ZC3HAV1: variants seen among roughly 807,000 people sequenced by gnomAD.
ZC3HAV1 encodes zinc finger CCCH-type antiviral protein 1.
In ZC3HAV1, 41 loss-of-function variants were observed where a neutral mutation model predicts 86.6. That is an observed-to-expected ratio of 0.47 (90% CI 0.37 to 0.61). The LOEUF is 0.61. Among genes scored for constraint, ZC3HAV1 ranks in the 20% least tolerant of loss-of-function variants. The probability of loss-of-function intolerance (pLI) is 0.00; values close to 1 mark genes in which losing one functional copy is unlikely to be tolerated. For missense variants in ZC3HAV1, 964 were observed against 1,141.1 expected, an observed-to-expected ratio of 0.84 and a Z score of 2.24; for synonymous variants, 421 against 432.1, an observed-to-expected ratio of 0.97 and a Z score of 0.32.
chr7:139,089,474 G>A, intron 2 of ZC3HAV1, 150 bp downstream of exon 2: 1 of 982,536 alleles, frequency 1.0e-6, no homozygotes, highest in South Asian at 2.3e-5. Context: ...AAATTTCTGG[G>A]ATCTCTTAGT....
At chr7:139,081,121 C>A (rs550968810) in intron 3 of ZC3HAV1, among the ~76,000 whole-genome samples, 4 of 151,912 alleles carry the variant, frequency 2.6e-5, no homozygotes, top group African/African-American at 9.7e-5. Flanking sequence ...TGTTTGTGAG[C>A]GCGTGTGGAG....
intron 1 of ZC3HAV1, among the ~76,000 whole-genome samples, chr7:139,091,305 T>C (rs896216930): frequency 1.3e-5 from 2 of 152,162 alleles, no homozygotes; most frequent in African/African-American, 4.8e-5. Context: ...CGAGACGTCC[T>C]GGCTAACACT....
At chr7:139,097,205 C>G (rs1277492315) in intron 1 of ZC3HAV1, among the ~76,000 whole-genome samples, 3 of 148,308 alleles carry the variant, frequency 2.0e-5, no homozygotes, top group African/African-American at 7.4e-5. Context: ...AATAAAAATG[C>G]AGATTCTCAG....
At chr7:139,082,960 T>C (rs1817168640) in intron 3 of ZC3HAV1, among the ~76,000 whole-genome samples, 2 of 152,308 alleles carry the variant, frequency 1.3e-5, no homozygotes, top group South Asian at 4.1e-4. Context: ...GTATTAATTG[T>C]CTTGTGATTA....
At chr7:139,060,580 C>G in intron 9 of ZC3HAV1, 1 of 1,011,814 alleles carries the variant, frequency 9.9e-7, no homozygotes, top group South Asian at 3.9e-5. Context: ...GTGGCTCATG[C>G]CTGTAATCCC....
At chr7:139,087,134 A>T (rs1404254711) in intron 2 of ZC3HAV1, among the ~76,000 whole-genome samples, 1 of 152,174 alleles carries the variant, frequency 6.6e-6, no homozygotes, top group Non-Finnish European at 1.5e-5. Flanking sequence ...CTAAGGATAG[A>T]CCACAAAACA....
chr7:139,106,967 T>TC (rs61023984), intron 1 of ZC3HAV1, among the ~76,000 whole-genome samples: 1 of 150,266 alleles, frequency 6.7e-6, no homozygotes, highest in East Asian at 2.0e-4. Flanking sequence ...ATCATTTTTT[T>TC]CTCTCTACTT....
At chr7:139,049,142 TTC>T (rs1491015149) in intron 12 of ZC3HAV1, among the ~76,000 whole-genome samples, 1,706 of 104,806 alleles carry the variant, frequency 0.016, 14 homozygotes, top group Middle Eastern at 0.041. Flanking sequence ...TTTTTTTTTT[TTC>T]GTTGTTGTTG....
In ZC3HAV1 at chr7:139,109,458, G is replaced by C; in HGVS notation, c.-127C>G. The C allele has an allele frequency of 8.3e-7, 1 of 1,208,944 alleles. No homozygotes were observed. The highest frequency in any genetic ancestry group is 1.1e-6 in the Non-Finnish European group (1 of 897,784). The allele number at this position is 1,208,944 out of a possible 1,614,324, so 74.9% of individuals were successfully genotyped here. A position where few individuals can be genotyped will look rare whatever the true frequency, so the allele number is the denominator to read the frequency against. ...ACTGCTGGGCGCGCCCGGAGTCAGC[G>C]AGGGCGCGCTCTCCGTCGCCGTTAG... On this transcript the variant is annotated 5_prime_UTR_variant, in exon 1 of 13. Coordinates refer to ENST00000242351, the MANE Select transcript of ZC3HAV1 (RefSeq NM_020119.4).
rs1817710394 is a variant in ZC3HAV1 at position 139,100,245 on chromosome 7, A to AG, written c.308+8778_308+8779insC. Among the ~76,000 whole-genome samples, 4 of 152,068 alleles carry AG rather than the reference A, an allele frequency of 2.6e-5. No individual in the cohort carries two copies. The South Asian group carries it at 8.3e-4, about 31-fold the overall frequency. On this transcript the variant is annotated intron_variant, in intron 1 of 12. Transcript: ENST00000242351. ...GAATATATAAAGAATTAAAACCACA[A>AG]TGAGGGCTGGGCGCGGTGGCTCACG...
At chr7:139,094,430 T>C (rs1283913702) in intron 1 of ZC3HAV1, among the ~76,000 whole-genome samples, 1 of 149,682 alleles carries the variant, frequency 6.7e-6, no homozygotes, top group African/African-American at 2.5e-5. Context: ...GTTTGCAGAA[T>C]GCTACCCACA....
At chr7:139,079,080 CCCCTT>C (rs1817043176) in intron 4 of ZC3HAV1, 2 of 1,535,106 alleles carry the variant, frequency 1.3e-6, no homozygotes, top group Non-Finnish European at 1.7e-6. Context: ...GACACAGAGG[CCCCTT>C]TGTCCTTCAG....
intron 12 of ZC3HAV1, among the ~76,000 whole-genome samples, chr7:139,051,074 CTT>C (rs1160868156): frequency 8.4e-5 from 12 of 143,364 alleles, no homozygotes; most frequent in Admixed American, 7.0e-5. Flanking sequence ...TTTCTTTTTT[CTT>C]TTTTTTTTTT....
chr7:139,068,026 T>TATTATA (rs1816657205), intron 7 of ZC3HAV1, among the ~76,000 whole-genome samples: 1 of 48,428 alleles, frequency 2.1e-5, no homozygotes, highest in Non-Finnish European at 3.7e-5. Flanking sequence ...TTTCTTTCTT[T>TATTATA]ATTATTATTA....
At chr7:139,081,622 C>T (rs946012943) in intron 3 of ZC3HAV1, among the ~76,000 whole-genome samples, 2 of 152,226 alleles carry the variant, frequency 1.3e-5, no homozygotes, top group African/African-American at 2.4e-5. Flanking sequence ...TTCTTCATTA[C>T]ATTATCCTTC....
intron 10 of ZC3HAV1, 101 bp from the exon 11 acceptor site, chr7:139,054,196 G>T (rs1444551338): frequency 8.1e-7 from 1 of 1,231,872 alleles, no homozygotes; most frequent in East Asian, 2.8e-5. Context: ...TGTTACCAGG[G>T]TTCTTTCTAA....
At position 139,079,506 on chromosome 7, in the gene ZC3HAV1, C is replaced by T. The variant is rs763920467; in HGVS notation, c.1435G>A (p.Ala479Thr). The change falls in exon 4 of 13, where the codon GCA (alanine) becomes ACA (threonine). Residue 479 changes from alanine to threonine, a missense_variant. Ala to Thr is a moderately conservative substitution (Grantham distance 58, BLOSUM62 0). Transcript: ENST00000242351. ...SRDVQATGRI[A>T]DDADPRVALV... is the part of the protein sequence containing the mutation. The stretch of plus-strand genomic sequence containing the variant: ...GCTACTCTTGGGTCAGCATCATCTG[C>T]GATTCTGCCAGTGGCCTGGACATCT... The T allele has an allele frequency of 2.7e-5, 43 of 1,614,048 alleles. No individual in the cohort carries two copies. The African/African-American group carries it at 5.2e-4, about 20-fold the overall frequency.
intron 2 of ZC3HAV1, among the ~76,000 whole-genome samples, chr7:139,085,462 G>A (rs1018027676): frequency 3.9e-5 from 6 of 152,190 alleles, no homozygotes; most frequent in Non-Finnish European, 5.9e-5. Context: ...GTGTGAATAC[G>A]TAGTTTTTTA....
chr7:139,090,916 C>T lies in ZC3HAV1; in HGVS notation c.309-1157G>A, dbSNP rs1303829599. 3.9e-5 allele frequency among the ~76,000 whole-genome samples: 6 copies of T among 152,174 alleles called. No individual in the cohort carries two copies. The East Asian group carries it at 1.2e-3, about 29-fold the overall frequency. ...AGACCTTGAAACCCGGCCAGCCATC[C>T]GTGTACCTTGCCTCCTGGAGAAGTC... On this transcript the variant is annotated intron_variant, in intron 1 of 12. Transcript: ENST00000242351.
Sources: gnomAD v4.1 joint callset for allele counts (sites outside exome capture counted in the v4.1 genomes callset) on GRCh38, gnomAD v4.1.1 for gene constraint, MANE v1.5 for transcripts, NCBI Gene and HGNC (gene_info 2026-07-23, HGNC 2026-07-21) for gene names.